Variants in ADGRB3 observed in about 807,000 individuals in gnomAD.
ADGRB3 encodes the protein brain-specific angiogenesis inhibitor 3.
A neutral mutation model predicts 193.4 loss-of-function variants in ADGRB3; 37 were observed. The ratio of observed to expected loss-of-function variants is 0.19; its 90% confidence interval spans 0.15 to 0.25. The LOEUF (loss-of-function observed/expected upper bound fraction) is 0.25. Ranked by LOEUF, ADGRB3 falls within the 10% of genes least tolerant of loss-of-function variation. The pLI is 1.00. For missense variants in ADGRB3, 1,637 were observed against 1,852.9 expected, an observed-to-expected ratio of 0.88 and a Z score of 2.14; for synonymous variants, 690 against 644.2, an observed-to-expected ratio of 1.07 and a Z score of -1.08.
chr6:69,167,053 A>C (rs1392071208), intron 17 of ADGRB3, among the ~76,000 whole-genome samples: 1 of 152,132 alleles, frequency 6.6e-6, no homozygotes, highest in Non-Finnish European at 1.5e-5. Context: ...ATGTTTATTT[A>C]GAGTTTGACT....
intron 17 of ADGRB3, among the ~76,000 whole-genome samples, chr6:69,212,069 T>G (rs575406100): frequency 6.6e-6 from 1 of 152,330 alleles, no homozygotes; most frequent in East Asian, 1.9e-4. Context: ...TTCCATAAAT[T>G]CTGATGCAAG....
chr6:69,319,935 A>C (rs906848301), intron 20 of ADGRB3, among the ~76,000 whole-genome samples: 19 of 151,360 alleles, frequency 1.3e-4, no homozygotes, highest in African/African-American at 3.4e-4. Flanking sequence ...TGATGTTTGG[A>C]ATTAGTTTAT....
intron 4 of ADGRB3, among the ~76,000 whole-genome samples, chr6:68,934,391 T>G (rs535882175): frequency 1.1e-4 from 16 of 152,306 alleles, no homozygotes; most frequent in African/African-American, 2.6e-4. Context: ...TTTAAATACT[T>G]GTACGAAAGT....
chr6:68,697,081 C>A (rs993176738), intron 3 of ADGRB3, among the ~76,000 whole-genome samples: 4 of 151,850 alleles, frequency 2.6e-5, no homozygotes, highest in African/African-American at 9.7e-5. Context: ...ATGGATCAAA[C>A]CTTGAAATCA....
chr6:68,979,176 A>G (rs1030603545), intron 10 of ADGRB3, among the ~76,000 whole-genome samples: 2 of 151,390 alleles, frequency 1.3e-5, no homozygotes, highest in African/African-American at 4.8e-5. Flanking sequence ...TACTATTAAT[A>G]AATATTTCAA....
intron 20 of ADGRB3, among the ~76,000 whole-genome samples, chr6:69,289,223 A>C (rs1767615476): frequency 6.6e-6 from 1 of 152,220 alleles, no homozygotes; most frequent in Admixed American, 6.5e-5. Flanking sequence ...TTGAAGTGTT[A>C]GAGTCTTGAG....
At chr6:69,002,238 T>TG (rs1769601587) in intron 11 of ADGRB3, among the ~76,000 whole-genome samples, 1 of 150,318 alleles carries the variant, frequency 6.7e-6, no homozygotes, top group African/African-American at 2.4e-5. Context: ...TTTTTTTTTT[T>TG]TGATGGAGTT....
rs142899646 is a variant in ADGRB3, at chr6:69,310,034, T to G, written c.2815-14838T>G. ...TCTTCCTCTACACAACTTTTATGTTTGTGGGTAAAAATGAAGGGAGTTTCT... is the reference window on the plus strand; with the variant it reads ...TCTTCCTCTACACAACTTTTATGTTGGTGGGTAAAAATGAAGGGAGTTTCT... On this transcript the variant is annotated intron_variant, in intron 20 of 31. Coordinates refer to ENST00000370598, the MANE Select transcript of ADGRB3 (RefSeq NM_001704.3). Among the ~76,000 whole-genome samples the G allele has an allele frequency of 4.5e-3, 687 of 151,832 alleles. 7 individuals carry two copies. The highest frequency in any genetic ancestry group is 0.016 in the African/African-American group (656 of 41,484).
At chr6:68,860,714 A>C (rs994390805) in intron 3 of ADGRB3, among the ~76,000 whole-genome samples, 2 of 152,186 alleles carry the variant, frequency 1.3e-5, no homozygotes, top group African/African-American at 4.8e-5. Context: ...ATAAGAGTGC[A>C]AGTGTCTTTT....
intron 10 of ADGRB3, among the ~76,000 whole-genome samples, chr6:68,986,934 C>G (rs1349172743): frequency 6.6e-6 from 1 of 152,036 alleles, no homozygotes; most frequent in Non-Finnish European, 1.5e-5. Context: ...ATTTCAGAAA[C>G]ACACCTACTC....
At chr6:69,238,233 C>A (rs1766311227) in intron 19 of ADGRB3, among the ~76,000 whole-genome samples, 1 of 152,030 alleles carries the variant, frequency 6.6e-6, no homozygotes, top group Non-Finnish European at 1.5e-5. Flanking sequence ...CGTTATAATA[C>A]AAATTGAATG....
chr6:68,839,631 A>C (rs1375517384), intron 3 of ADGRB3, among the ~76,000 whole-genome samples: 1 of 152,180 alleles, frequency 6.6e-6, no homozygotes, highest in Non-Finnish European at 1.5e-5. Context: ...AAGCAAATGG[A>C]GGGAGATGGA....
intron 17 of ADGRB3, among the ~76,000 whole-genome samples, chr6:69,131,398 A>AT (rs67632878): frequency 4.0e-4 from 60 of 151,324 alleles, no homozygotes; most frequent in African/African-American, 1.3e-3. Flanking sequence ...AAGCACAAGG[A>AT]TTTTTTTTTC....
intron 3 of ADGRB3, among the ~76,000 whole-genome samples, chr6:68,895,647 A>T (rs904153771): frequency 6.6e-6 from 1 of 152,056 alleles, no homozygotes; most frequent in African/African-American, 2.4e-5. Context: ...ACAGTGTGCC[A>T]ATTGTTCAGA....
At chr6:69,117,923 G>A (rs1773579612) in intron 17 of ADGRB3, among the ~76,000 whole-genome samples, 1 of 152,176 alleles carries the variant, frequency 6.6e-6, no homozygotes, top group Non-Finnish European at 1.5e-5. Context: ...CGTGAAGATA[G>A]TAGCACTGTC....
At chr6:68,981,841 TTTTG>T (rs1443758541) in intron 10 of ADGRB3, among the ~76,000 whole-genome samples, 4 of 142,586 alleles carry the variant, frequency 2.8e-5, no homozygotes, top group South Asian at 4.4e-4. Context: ...ACAATACCTA[TTTTG>T]TTATTTATTT....
At chr6:69,243,127 G>T (rs1285980338) in intron 20 of ADGRB3, among the ~76,000 whole-genome samples, 2 of 151,892 alleles carry the variant, frequency 1.3e-5, no homozygotes, top group South Asian at 2.1e-4. Flanking sequence ...AAAACTCTTG[G>T]TTTTTTGGTT....
At chr6:69,087,972 C>T (rs1772597214) in intron 17 of ADGRB3, among the ~76,000 whole-genome samples, 1 of 152,128 alleles carries the variant, frequency 6.6e-6, no homozygotes, top group African/African-American at 2.4e-5. Flanking sequence ...TGGTCTGCTT[C>T]AAAAACTAAG....
chr6:68,730,522 G>C (rs1765753007), intron 3 of ADGRB3, among the ~76,000 whole-genome samples: 1 of 151,588 alleles, frequency 6.6e-6, no homozygotes, highest in Non-Finnish European at 1.5e-5. Context: ...CATAAATATT[G>C]AAATGATACA....
Sources: allele counts gnomAD v4.1 joint callset (sites outside exome capture counted in the v4.1 genomes callset), GRCh38; gene constraint gnomAD v4.1.1; transcripts MANE v1.5; gene names NCBI Gene and HGNC (gene_info 2026-07-23, HGNC 2026-07-21).